Variants in RGL1 observed in about 807,000 individuals in gnomAD.
The protein encoded by RGL1 is ral guanine nucleotide dissociation stimulator-like 1.
Under a neutral mutation model 95.2 loss-of-function variants are expected in RGL1, and 24 were observed. The ratio of observed to expected loss-of-function variants is 0.25; its 90% CI spans 0.18 to 0.35. The LOEUF (loss-of-function observed/expected upper bound fraction) is 0.35. Ranked by LOEUF, RGL1 falls within the 10% of genes least tolerant of loss-of-function variation. RGL1 has a pLI of 1.00. For missense variants in RGL1, 715 were observed against 936.3 expected, an observed-to-expected ratio of 0.76 and a Z score of 3.08; for synonymous variants, 329 against 344.9, an observed-to-expected ratio of 0.95 and a Z score of 0.51.
chr1:183,817,505 C>T (rs1662166314), intron 2 of RGL1, among the ~76,000 whole-genome samples: 1 of 152,090 alleles, frequency 6.6e-6, no homozygotes, highest in Non-Finnish European at 1.5e-5. Context: ...TCTTTGGCTG[C>T]TCGGCCACAA....
chr1:183,719,967 G>A (rs898061723), intron 1 of RGL1, among the ~76,000 whole-genome samples: 8 of 152,086 alleles, frequency 5.3e-5, no homozygotes, highest in African/African-American at 1.9e-4. Context: ...AACATGGTCT[G>A]GTGAGGTGAA....
chr1:183,663,610 T>C (rs1402805309), intron 1 of RGL1, among the ~76,000 whole-genome samples: 1 of 152,052 alleles, frequency 6.6e-6, no homozygotes, highest in Non-Finnish European at 1.5e-5. Flanking sequence ...TTTACACTGT[T>C]GGTGGGACTG....
intron 2 of RGL1, among the ~76,000 whole-genome samples, chr1:183,814,218 A>G (rs1661924730): frequency 6.6e-6 from 1 of 152,004 alleles, no homozygotes; most frequent in East Asian, 1.9e-4. Flanking sequence ...AGAGAGAATC[A>G]TGTCATTTCC....
chr1:183,877,492 A>G (rs1666567287), intron 4 of RGL1, among the ~76,000 whole-genome samples: 1 of 152,172 alleles, frequency 6.6e-6, no homozygotes. Flanking sequence ...TGGCACACAC[A>G]AAGCTACTGT....
Position 183,713,171 on chromosome 1 carries a change from G to A in RGL1, c.-32-28955G>A, listed in dbSNP as rs1162027345. The stretch of plus-strand genomic sequence containing the variant: ...CTCCCGAGTAGCTGAGATTACAGGC[G>A]TGTACCACAATGCATGGCTAATTTT... On this transcript the variant is annotated intron_variant, in intron 1 of 18. Transcript: ENST00000304685. Among the ~76,000 whole-genome samples, 6 of 151,946 alleles carry A rather than the reference G, an allele frequency of 3.9e-5. No individual in the cohort carries two copies. In the East Asian group the frequency reaches 5.8e-4, roughly 15 times the overall value.
chr1:183,749,100 A>T (rs567408977), intron 2 of RGL1, among the ~76,000 whole-genome samples: 50 of 152,310 alleles, frequency 3.3e-4, no homozygotes, highest in Non-Finnish European at 6.5e-4. Context: ...TATTTTGTTT[A>T]TTTGGGGTGG....
intron 2 of RGL1, among the ~76,000 whole-genome samples, chr1:183,845,734 A>G (rs931670153): frequency 8.5e-5 from 13 of 152,220 alleles, no homozygotes; most frequent in Non-Finnish European, 1.5e-4. Context: ...AAGTCAGATC[A>G]TGATTCCATC....
At chr1:183,756,713 C>G (rs1658360083) in intron 2 of RGL1, among the ~76,000 whole-genome samples, 1 of 152,160 alleles carries the variant, frequency 6.6e-6, no homozygotes, top group Non-Finnish European at 1.5e-5. Flanking sequence ...TTCTTCCTCT[C>G]CAACTAGACT....
chr1:183,769,686 G>A (rs1659180500), intron 2 of RGL1, among the ~76,000 whole-genome samples: 1 of 152,188 alleles, frequency 6.6e-6, no homozygotes, highest in Non-Finnish European at 1.5e-5. Flanking sequence ...TTACAAACAC[G>A]TTCACGTGGC....
chr1:183,694,721 G>A (rs12068757), intron 1 of RGL1, among the ~76,000 whole-genome samples: 12,923 of 152,246 alleles, frequency 0.085, 1,031 homozygotes, highest in African/African-American at 0.21. Flanking sequence ...TACTGGGACT[G>A]TGGGGCTATT....
At chr1:183,823,553 C>T (rs534037745) in intron 2 of RGL1, among the ~76,000 whole-genome samples, 33 of 152,288 alleles carry the variant, frequency 2.2e-4, no homozygotes, top group African/African-American at 7.5e-4. Flanking sequence ...ATTCCCCACT[C>T]CCAGCAATAC....
chr1:183,802,302 G>A (rs1661035479), upstream of RGL1, among the ~76,000 whole-genome samples: 1 of 152,112 alleles, frequency 6.6e-6, no homozygotes, highest in East Asian at 1.9e-4. Context: ...CTGTGTGTCT[G>A]TCTTTATGCC....
chr1:183,639,715 C>T (rs1438371661), intron 1 of RGL1, among the ~76,000 whole-genome samples: 1 of 146,134 alleles, frequency 6.8e-6, no homozygotes, highest in East Asian at 2.0e-4. Context: ...AAAAAAAAAT[C>T]AGGGAAAAAA....
chr1:183,730,740 G>T (rs1656582526), intron 1 of RGL1, among the ~76,000 whole-genome samples: 1 of 152,098 alleles, frequency 6.6e-6, no homozygotes, highest in East Asian at 1.9e-4. Context: ...GGGAAGGAGG[G>T]AGAGATTTAA....
chr1:183,742,722 G>A (rs1657387761), intron 2 of RGL1, among the ~76,000 whole-genome samples: 1 of 152,088 alleles, frequency 6.6e-6, no homozygotes, highest in Non-Finnish European at 1.5e-5. Context: ...GGGTGTGTGT[G>A]TGAGAGAGAG....
intron 1 of RGL1, among the ~76,000 whole-genome samples, chr1:183,726,036 T>A (rs1391399266): frequency 6.6e-6 from 1 of 151,892 alleles, no homozygotes; most frequent in East Asian, 1.9e-4. Context: ...TACTTGGAAA[T>A]TAAATAGCAT....
intron 1 of RGL1, among the ~76,000 whole-genome samples, chr1:183,670,906 G>A (rs1456054044): frequency 6.6e-6 from 1 of 152,172 alleles, no homozygotes; most frequent in Non-Finnish European, 1.5e-5. Flanking sequence ...TATCGTATTA[G>A]TCCATTTTCA....
intron 9 of RGL1, among the ~76,000 whole-genome samples, chr1:183,892,709 AC>A (rs1479470810): frequency 1.3e-5 from 2 of 152,210 alleles, no homozygotes; most frequent in Non-Finnish European, 2.9e-5. Context: ...AAAGCTTTGA[AC>A]CTGCTTCTAG....
chr1:183,684,412 T>C (rs1283206302), intron 1 of RGL1, among the ~76,000 whole-genome samples: 2 of 152,164 alleles, frequency 1.3e-5, no homozygotes, highest in East Asian at 1.9e-4. Context: ...GTTTTCCTTC[T>C]AACAGGCCTC....
Sources: gnomAD v4.1 joint callset for allele counts (sites outside exome capture counted in the v4.1 genomes callset) on GRCh38, gnomAD v4.1.1 for gene constraint, MANE v1.5 for transcripts, NCBI Gene and HGNC (gene_info 2026-07-23, HGNC 2026-07-21) for gene names.